DACH2: variants seen among roughly 807,000 people sequenced by gnomAD.
DACH2 encodes the protein dachshund homolog 2.
In DACH2, 17 loss-of-function variants were observed where a neutral mutation model predicts 35.8. That is an observed-to-expected ratio of 0.48 (90% CI 0.33 to 0.71). The LOEUF (loss-of-function observed/expected upper bound fraction) is 0.71, where lower values mean the gene tolerates loss of function less well. Among genes scored for constraint, DACH2 ranks in the 30% least tolerant of loss-of-function variants. The probability of loss-of-function intolerance (pLI) is 0.02; values close to 1 mark genes in which losing one functional copy is unlikely to be tolerated. For synonymous variants in DACH2, 195 were observed against 177.3 expected (o/e 1.10, Z -0.79); for missense variants, 469 against 472.7 (o/e 0.99, Z 0.07).
intron 7 of DACH2, among the ~76,000 whole-genome samples, chrX:86,787,342 A>G (rs1049745271): frequency 4.5e-5 from 5 of 111,816 alleles, no homozygotes; most frequent in African/African-American, 1.6e-4. Flanking sequence ...CAGCACATCC[A>G]GGGGTGGTGG....
intron 3 of DACH2, among the ~76,000 whole-genome samples, chrX:86,612,908 C>T (rs542583638): frequency 6.2e-5 from 7 of 112,188 alleles, no homozygotes; most frequent in African/African-American, 2.3e-4. Flanking sequence ...GTTTTAAAAG[C>T]CAGATCATAT....
chrX:86,447,209 G>C (rs1160209968), intron 2 of DACH2, among the ~76,000 whole-genome samples: 1 of 94,460 alleles, frequency 1.1e-5, no homozygotes. Context: ...TTTGTCAGAA[G>C]AGTAGGTTGC....
intron 1 of DACH2, among the ~76,000 whole-genome samples, chrX:86,215,292 C>T (rs765819277): frequency 9.0e-6 from 1 of 111,156 alleles, no homozygotes; most frequent in Non-Finnish European, 1.9e-5. Flanking sequence ...CCTAGAATGG[C>T]TGAAGTTTCT....
intron 5 of DACH2, among the ~76,000 whole-genome samples, chrX:86,698,396 GAAA>G (rs1032247651): frequency 1.9e-5 from 2 of 106,602 alleles, no homozygotes; most frequent in Non-Finnish European, 3.9e-5. Flanking sequence ...AACATCTTCA[GAAA>G]AAAAGAAAAT....
intron 3 of DACH2, among the ~76,000 whole-genome samples, chrX:86,524,472 G>T (rs1355589199): frequency 8.9e-6 from 1 of 112,141 alleles, no homozygotes; most frequent in East Asian, 2.8e-4. Context: ...TGCTCACAAA[G>T]AAACATTGGC....
intron 2 of DACH2, among the ~76,000 whole-genome samples, chrX:86,482,891 C>T (rs1473710141): frequency 1.0e-5 from 1 of 98,943 alleles, no homozygotes; most frequent in East Asian, 3.3e-4. Context: ...ATCGCAAGAA[C>T]AAAAAACCAA....
chrX:86,149,941 C>T (rs753643380), intron 1 of DACH2, among the ~76,000 whole-genome samples: 4 of 111,384 alleles, frequency 3.6e-5, no homozygotes, highest in African/African-American at 9.8e-5. Context: ...CTCTTCCAGG[C>T]GAACAGTTGG....
intron 1 of DACH2, among the ~76,000 whole-genome samples, chrX:86,271,240 ACT>A (rs1200181174): frequency 9.0e-6 from 1 of 111,572 alleles, no homozygotes; most frequent in African/African-American, 3.2e-5. Context: ...AGCTTGTTTG[ACT>A]CTCTGACAAT....
At chrX:86,394,478 T>C (rs1222653462) in intron 2 of DACH2, among the ~76,000 whole-genome samples, 1 of 111,499 alleles carries the variant, frequency 9.0e-6, no homozygotes, top group Admixed American at 9.6e-5. Context: ...ATTTAAAATG[T>C]ATTTAATTGA....
intron 4 of DACH2, among the ~76,000 whole-genome samples, chrX:86,653,062 G>C (rs186643372): frequency 1.8e-5 from 2 of 111,808 alleles, no homozygotes; most frequent in East Asian, 5.6e-4. Flanking sequence ...TTTACAATTC[G>C]AGGTTTTATA....
intron 1 of DACH2, among the ~76,000 whole-genome samples, chrX:86,303,575 G>A (rs1015114454): frequency 5.4e-5 from 6 of 110,541 alleles, no homozygotes; most frequent in African/African-American, 2.0e-4. Context: ...AGTATCAGTT[G>A]GGAAGTGGGG....
intron 4 of DACH2, among the ~76,000 whole-genome samples, chrX:86,668,855 T>C (rs760973016): frequency 5.4e-5 from 6 of 111,913 alleles, no homozygotes; most frequent in African/African-American, 1.9e-4. Flanking sequence ...TGTTGCTTTA[T>C]TCCTCATAAT....
At chrX:86,210,912 C>T (rs1391562394) in intron 1 of DACH2, among the ~76,000 whole-genome samples, 1 of 111,514 alleles carries the variant, frequency 9.0e-6, no homozygotes, top group African/African-American at 3.3e-5. Context: ...AGAGATGGTT[C>T]AAAGCATCAT....
intron 9 of DACH2, among the ~76,000 whole-genome samples, 169 bp downstream of exon 9, chrX:86,813,446 CAAAA>C (rs1182157047): frequency 1.3e-5 from 1 of 75,630 alleles, no homozygotes; most frequent in Admixed American, 1.5e-4. Flanking sequence ...ACTAAAAATA[CAAAA>C]AAAAAAAAAA....
intron 11 of DACH2, among the ~76,000 whole-genome samples, chrX:86,827,265 G>T (rs1050230108): frequency 8.9e-6 from 1 of 112,047 alleles, no homozygotes; most frequent in Admixed American, 9.5e-5. Flanking sequence ...GTGGTCATTA[G>T]CAAAGATTTT....
chrX:86,673,531 G>T (rs1221519603), intron 4 of DACH2, among the ~76,000 whole-genome samples: 1 of 110,630 alleles, frequency 9.0e-6, no homozygotes, highest in Admixed American at 9.7e-5. Context: ...ACTTGTTTTT[G>T]ATTTTACAGG....
chrX:86,342,587 A>C (rs2035429965), intron 1 of DACH2, among the ~76,000 whole-genome samples: 1 of 109,919 alleles, frequency 9.1e-6, no homozygotes, highest in Non-Finnish European at 1.9e-5. Flanking sequence ...CAGACAGATC[A>C]CTTGATGTAA....
At chrX:86,212,709 C>G (rs1220015797) in intron 1 of DACH2, among the ~76,000 whole-genome samples, 3 of 111,042 alleles carry the variant, frequency 2.7e-5, no homozygotes, top group Non-Finnish European at 5.7e-5. Context: ...TTTATATTAT[C>G]TCATTAACTA....
intron 1 of DACH2, among the ~76,000 whole-genome samples, chrX:86,204,123 T>C (rs991294084): frequency 1.8e-5 from 2 of 111,648 alleles, no homozygotes; most frequent in Admixed American, 9.6e-5. Context: ...ATTGTGAAAA[T>C]GTGTTCATAA....
Sources: gnomAD v4.1 joint callset for allele counts (sites outside exome capture counted in the v4.1 genomes callset) on GRCh38, gnomAD v4.1.1 for gene constraint, MANE v1.5 for transcripts, NCBI Gene and HGNC (gene_info 2026-07-23, HGNC 2026-07-21) for gene names.